Variants in SLC24A3 observed in about 807,000 individuals in gnomAD.
SLC24A3 encodes solute carrier family 24 member 3, also known as sodium/potassium/calcium exchanger 3.
A neutral mutation model predicts 75.8 loss-of-function variants in SLC24A3; 28 were observed. That is an observed-to-expected ratio of 0.37 (90% CI 0.27 to 0.51). The LOEUF is 0.51. SLC24A3 is among the 20% of genes least tolerant of loss of function. The pLI is 0.94. For missense variants in SLC24A3, 663 were observed against 847.8 expected (o/e 0.78, Z 2.71); for synonymous variants, 372 against 334.1 (o/e 1.11, Z -1.24).
intron 2 of SLC24A3, among the ~76,000 whole-genome samples, chr20:19,324,083 C>T (rs1427541053): frequency 6.6e-6 from 1 of 152,180 alleles, no homozygotes; most frequent in East Asian, 1.9e-4. Flanking sequence ...CTGGTGATGA[C>T]TGAACAAGCT....
intron 2 of SLC24A3, among the ~76,000 whole-genome samples, chr20:19,376,720 C>G (rs1050113379): frequency 2.6e-5 from 4 of 151,696 alleles, no homozygotes; most frequent in African/African-American, 9.7e-5. Context: ...CTCCATTTGT[C>G]TGAGATAAAA....
At chr20:19,517,435 C>G (rs1252458145) in intron 3 of SLC24A3, among the ~76,000 whole-genome samples, 2 of 152,192 alleles carry the variant, frequency 1.3e-5, no homozygotes, top group African/African-American at 4.8e-5. Flanking sequence ...TCTTGCTCTT[C>G]ATGAGCCCAG....
chr20:19,327,451 G>C (rs1345429674), intron 2 of SLC24A3, among the ~76,000 whole-genome samples: 1 of 152,216 alleles, frequency 6.6e-6, no homozygotes, highest in Admixed American at 6.5e-5. Flanking sequence ...GAATAAACAA[G>C]AGAAGTGGCA....
chr20:19,367,278 A>G lies in SLC24A3; in HGVS notation c.271+86191A>G, dbSNP rs542188526. 1.2e-4 allele frequency among the ~76,000 whole-genome samples: 19 copies of G among 152,362 alleles called. No individual in the cohort carries two copies. In the South Asian group the frequency reaches 3.5e-3, roughly 28 times the overall value. On this transcript the variant is annotated intron_variant, in intron 2 of 16. Transcript: ENST00000328041. ...CAGAAAATTCCTCTGGATAGTGGTC[A>G]CAGGAGCCGATTGGCTCCCCAAAGA...
At chr20:19,691,750 C>T (rs1019752828) in intron 12 of SLC24A3, among the ~76,000 whole-genome samples, 4 of 152,202 alleles carry the variant, frequency 2.6e-5, no homozygotes, top group African/African-American at 9.6e-5. Context: ...AGGATTTTGA[C>T]AGGAACGACT....
chr20:19,639,506 C>G (rs953108708), intron 6 of SLC24A3, among the ~76,000 whole-genome samples: 4 of 152,244 alleles, frequency 2.6e-5, no homozygotes, highest in Non-Finnish European at 5.9e-5. Flanking sequence ...TTTACAATCC[C>G]TGGGCTAGAC....
At chr20:19,415,725 T>C (rs1195983150) in intron 2 of SLC24A3, among the ~76,000 whole-genome samples, 2 of 152,152 alleles carry the variant, frequency 1.3e-5, no homozygotes, top group South Asian at 2.1e-4. Flanking sequence ...AAAATTAGCA[T>C]GCATTTCAGA....
intron 2 of SLC24A3, among the ~76,000 whole-genome samples, chr20:19,502,196 A>G (rs1045359094): frequency 5.9e-5 from 9 of 152,260 alleles, no homozygotes; most frequent in Non-Finnish European, 1.0e-4. Flanking sequence ...CGGTTGAGGC[A>G]TCAGAGATTG....
rs150253286 is a variant in SLC24A3 at position 19,392,433 on chromosome 20, A to G, written c.271+111346A>G. On this transcript the variant is annotated intron_variant, in intron 2 of 16. Transcript: ENST00000328041. ...GTGTTTAAAGTTTTAGAGAAGACTTATGGAGTGATGAGAAATGTTCCAGCA... is the reference window on the plus strand; with the variant it reads ...GTGTTTAAAGTTTTAGAGAAGACTTGTGGAGTGATGAGAAATGTTCCAGCA... Among the ~76,000 whole-genome samples, 540 of 152,318 alleles carry G rather than the reference A, an allele frequency of 3.5e-3. 2 individuals are homozygous for G. Among genetic ancestry groups the G allele is most frequent in the Non-Finnish European group, 5.6e-3 (384 of 68,024 alleles).
intron 2 of SLC24A3, among the ~76,000 whole-genome samples, chr20:19,432,656 G>A (rs918356711): frequency 1.2e-4 from 19 of 152,186 alleles, no homozygotes; most frequent in Non-Finnish European, 1.2e-4. Context: ...TGAGAGTCAG[G>A]TAATATTGCA....
chr20:19,531,137 C>T (rs1169876880), intron 3 of SLC24A3, among the ~76,000 whole-genome samples: 1 of 152,176 alleles, frequency 6.6e-6, no homozygotes, highest in Admixed American at 6.5e-5. Flanking sequence ...AGCAGAAAGG[C>T]CCCCTGATGT....
At chr20:19,378,765 T>C (rs886679416) in intron 2 of SLC24A3, among the ~76,000 whole-genome samples, 1 of 152,168 alleles carries the variant, frequency 6.6e-6, no homozygotes, top group African/African-American at 2.4e-5. Context: ...CATCTGTCTG[T>C]TTTCTCATTC....
chr20:19,721,863 C>T lies in SLC24A3; in HGVS notation c.*723C>T, dbSNP rs952170863. On this transcript the variant is annotated 3_prime_UTR_variant, in exon 17 of 17. Coordinates refer to ENST00000328041, the MANE Select transcript of SLC24A3 (RefSeq NM_020689.4). ...ATGCATGACATTTTATAGCCAAGGACGCCTCGCTAAAGTCTTATGGGCGTC... is the reference window on the plus strand; with the variant it reads ...ATGCATGACATTTTATAGCCAAGGATGCCTCGCTAAAGTCTTATGGGCGTC... The T allele has an allele frequency of 1.3e-5, 2 of 152,640 alleles. No homozygotes were observed. Among genetic ancestry groups the T allele is most frequent in the African/African-American group, 2.4e-5 (1 of 41,394 alleles). The allele number at this position is 152,640 out of a possible 1,614,324, so 9.5% of individuals were successfully genotyped here. A position where few individuals can be genotyped will look rare whatever the true frequency, so the allele number is the denominator to read the frequency against.
intron 2 of SLC24A3, among the ~76,000 whole-genome samples, chr20:19,288,016 C>T (rs1004711849): frequency 6.6e-6 from 1 of 152,134 alleles, no homozygotes; most frequent in Non-Finnish European, 1.5e-5. Flanking sequence ...TAAATTGTAG[C>T]CATATTATCT....
intron 6 of SLC24A3, among the ~76,000 whole-genome samples, chr20:19,623,298 C>T (rs767039183): frequency 9.2e-5 from 14 of 152,266 alleles, no homozygotes; most frequent in African/African-American, 1.4e-4. Flanking sequence ...AGTCTAATGC[C>T]ATAAATGCTT....
At chr20:19,607,399 G>C (rs1034474848) in intron 6 of SLC24A3, among the ~76,000 whole-genome samples, 2 of 152,050 alleles carry the variant, frequency 1.3e-5, no homozygotes, top group African/African-American at 4.8e-5. Context: ...CCTCATCCTT[G>C]GTCTTGATTT....
At chr20:19,565,655 C>T (rs184262925) in intron 3 of SLC24A3, among the ~76,000 whole-genome samples, 7 of 152,234 alleles carry the variant, frequency 4.6e-5, no homozygotes, top group African/African-American at 1.4e-4. Flanking sequence ...ACCAAGACCT[C>T]GGAGCCTTTT....
intron 6 of SLC24A3, among the ~76,000 whole-genome samples, chr20:19,591,543 G>A (rs148567224): frequency 2.0e-5 from 3 of 151,154 alleles, no homozygotes; most frequent in African/African-American, 7.3e-5. Context: ...CAGGCCTCAG[G>A]TACACATACC....
chr20:19,381,083 A>G (rs1986172754), intron 2 of SLC24A3, among the ~76,000 whole-genome samples: 1 of 152,220 alleles, frequency 6.6e-6, no homozygotes, highest in African/African-American at 2.4e-5. Flanking sequence ...TAGCATAATG[A>G]CTATCACTAA....
Sources: allele counts gnomAD v4.1 joint callset (sites outside exome capture counted in the v4.1 genomes callset), GRCh38; gene constraint gnomAD v4.1.1; transcripts MANE v1.5; gene names NCBI Gene and HGNC (gene_info 2026-07-23, HGNC 2026-07-21).